ROBO2: variants seen among roughly 807,000 people sequenced by gnomAD.
ROBO2 encodes the protein roundabout guidance receptor 2, also known as roundabout homolog 2.
ROBO2 carries 53 observed loss-of-function variants against 160.8 expected under a neutral mutation model. The ratio of observed to expected loss-of-function variants is 0.33; its 90% CI spans 0.26 to 0.41. The LOEUF (loss-of-function observed/expected upper bound fraction) is 0.41, where lower values mean the gene tolerates loss of function less well. Among genes scored for constraint, ROBO2 ranks in the 10% least tolerant of loss-of-function variants. The probability of loss-of-function intolerance (pLI) is 1.00; values close to 1 mark genes in which losing one functional copy is unlikely to be tolerated. For missense variants in ROBO2, 1,577 were observed against 1,722.4 expected, an observed-to-expected ratio of 0.92 and a Z score of 1.49; for synonymous variants, 664 against 611.7, an observed-to-expected ratio of 1.09 and a Z score of -1.26.
At chr3:76,766,837 AGG>A (rs2061601480) in intron 2 of ROBO2, among the ~76,000 whole-genome samples, 1 of 151,576 alleles carries the variant, frequency 6.6e-6, no homozygotes, top group Non-Finnish European at 1.5e-5. Context: ...GAATACTCTG[AGG>A]ACAGATATAG....
intron 2 of ROBO2, among the ~76,000 whole-genome samples, chr3:76,961,571 G>T (rs908949395): frequency 5.9e-5 from 9 of 152,052 alleles, no homozygotes; most frequent in African/African-American, 2.2e-4. Context: ...AACACACAGT[G>T]GAAAGAACGT....
At chr3:77,623,093 C>A (rs923688465) in intron 23 of ROBO2, among the ~76,000 whole-genome samples, 3 of 152,192 alleles carry the variant, frequency 2.0e-5, no homozygotes, top group African/African-American at 7.2e-5. Flanking sequence ...TAAGGTATAA[C>A]CTATTTTCAG....
chr3:76,497,190 T>C (rs2080196444), intron 2 of ROBO2, among the ~76,000 whole-genome samples: 1 of 152,134 alleles, frequency 6.6e-6, no homozygotes, highest in Admixed American at 6.6e-5. Context: ...CTGGCTATTT[T>C]TCACTGTCTT....
At chr3:76,090,372 C>T (rs892516349) in intron 2 of ROBO2, among the ~76,000 whole-genome samples, 8 of 151,958 alleles carry the variant, frequency 5.3e-5, no homozygotes, top group East Asian at 3.9e-4. Context: ...AGAATAGATC[C>T]GGGAGATCAT....
At chr3:76,813,860 G>A (rs1474056564) in intron 2 of ROBO2, among the ~76,000 whole-genome samples, 3 of 152,018 alleles carry the variant, frequency 2.0e-5, no homozygotes, top group Non-Finnish European at 2.9e-5. Flanking sequence ...AGTGAAATGC[G>A]ATGTAAACAT....
chr3:77,056,777 G>T (rs747223897), intron 1 of ROBO2, among the ~76,000 whole-genome samples: 1 of 151,948 alleles, frequency 6.6e-6, no homozygotes, highest in Non-Finnish European at 1.5e-5. Context: ...AGGCCATGTC[G>T]TAATCCAGGG....
intron 1 of ROBO2, among the ~76,000 whole-genome samples, chr3:77,094,775 A>G (rs538253016): frequency 8.5e-5 from 13 of 152,244 alleles, no homozygotes; most frequent in Admixed American, 7.8e-4. Flanking sequence ...GCATTTTTCT[A>G]ATAGCTAATG....
chr3:76,340,722 T>TA (rs2074172640), intron 2 of ROBO2, among the ~76,000 whole-genome samples: 1 of 152,114 alleles, frequency 6.6e-6, no homozygotes, highest in African/African-American at 2.4e-5. Context: ...AAATGATTCT[T>TA]ACCTTTAGCT....
chr3:77,370,850 A>T (rs1033512872), intron 2 of ROBO2, among the ~76,000 whole-genome samples: 2 of 152,156 alleles, frequency 1.3e-5, no homozygotes, highest in Non-Finnish European at 2.9e-5. Context: ...ATAACAAGAG[A>T]CCGCATTACC....
intron 2 of ROBO2, among the ~76,000 whole-genome samples, chr3:77,201,561 A>T (rs2082914527): frequency 6.6e-6 from 1 of 152,168 alleles, no homozygotes; most frequent in Non-Finnish European, 1.5e-5. Context: ...AAACTCATAT[A>T]TTTTTACATT....
chr3:76,715,013 C>T (rs1343546764), intron 2 of ROBO2, among the ~76,000 whole-genome samples: 2 of 152,128 alleles, frequency 1.3e-5, no homozygotes, highest in South Asian at 2.1e-4. Context: ...AGCCTAGAAA[C>T]ATTTTAAGCT....
intron 2 of ROBO2, among the ~76,000 whole-genome samples, chr3:77,232,943 G>A (rs2087423201): frequency 6.6e-6 from 1 of 152,114 alleles, no homozygotes. Flanking sequence ...TTCATTTAAT[G>A]TGAACAATGG....
chr3:75,918,829 T>C (rs1379501405), intron 1 of ROBO2, among the ~76,000 whole-genome samples: 2 of 152,186 alleles, frequency 1.3e-5, no homozygotes, highest in Non-Finnish European at 2.9e-5. Context: ...TTTGGCTCTC[T>C]GCTTGTCTGG....
At chr3:75,940,722 A>G (rs1948014255) in intron 2 of ROBO2, among the ~76,000 whole-genome samples, 1 of 152,182 alleles carries the variant, frequency 6.6e-6, no homozygotes. Flanking sequence ...ATTACAATAT[A>G]TACATTTTCA....
intron 7 of ROBO2, among the ~76,000 whole-genome samples, chr3:77,548,726 C>T (rs2092797618): frequency 6.6e-6 from 1 of 151,780 alleles, no homozygotes; most frequent in Non-Finnish European, 1.5e-5. Context: ...GTCTAGTTTT[C>T]TTTTCCTCAC....
intron 2 of ROBO2, among the ~76,000 whole-genome samples, chr3:76,736,110 C>G (rs267144): frequency 0.17 from 25,934 of 150,978 alleles, 2,460 homozygotes; most frequent in Non-Finnish European, 0.22. Flanking sequence ...GGTGAAACCC[C>G]GTCTCTACTA....
chr3:76,186,817 C>G (rs1701787255), intron 2 of ROBO2, among the ~76,000 whole-genome samples: 1 of 152,108 alleles, frequency 6.6e-6, no homozygotes. Flanking sequence ...TTATTCTACT[C>G]TGACCACTCT....
At chr3:76,925,210 C>CAAAAAAAAAAAA (rs147022230) in intron 2 of ROBO2, among the ~76,000 whole-genome samples, 1 of 61,880 alleles carries the variant, frequency 1.6e-5, no homozygotes. Flanking sequence ...GACTCCGTCT[C>CAAAAAAAAAAAA]AAAAAAAAAA....
intron 2 of ROBO2, among the ~76,000 whole-genome samples, chr3:76,658,826 C>A (rs2091693929): frequency 6.6e-6 from 1 of 152,102 alleles, no homozygotes; most frequent in African/African-American, 2.4e-5. Context: ...TGAGTCATAT[C>A]TTTTCATGCT....
Sources: gnomAD v4.1 joint callset for allele counts (sites outside exome capture counted in the v4.1 genomes callset) on GRCh38, gnomAD v4.1.1 for gene constraint, MANE v1.5 for transcripts, NCBI Gene and HGNC (gene_info 2026-07-23, HGNC 2026-07-21) for gene names.